LEPROTL1: variants seen among roughly 807,000 people sequenced by gnomAD.
LEPROTL1 encodes leptin receptor overlapping transcript-like 1.
LEPROTL1 carries 6 observed loss-of-function variants against 15.4 expected under a neutral mutation model. The observed-to-expected ratio is 0.39, with a 90% CI of 0.21 to 0.77. LEPROTL1 has a LOEUF of 0.77. Ranked by LOEUF, LEPROTL1 falls within the 30% of genes least tolerant of loss-of-function variation. The pLI, the probability that LEPROTL1 is intolerant of heterozygous loss-of-function variation, is 0.41. For missense variants in LEPROTL1, 128 were observed against 158.1 expected (o/e 0.81, Z 1.02); for synonymous variants, 56 against 52.6 (o/e 1.06, Z -0.28).
At chr8:30,122,924 C>A (rs1802850662) in intron 3 of LEPROTL1, among the ~76,000 whole-genome samples, 1 of 152,190 alleles carries the variant, frequency 6.6e-6, no homozygotes, top group Non-Finnish European at 1.5e-5. Context: ...TTGACTTAAA[C>A]CAATAATCAT....
At chr8:30,121,009 T>G (rs1337285533) in intron 3 of LEPROTL1, among the ~76,000 whole-genome samples, 1 of 152,140 alleles carries the variant, frequency 6.6e-6, no homozygotes, top group Non-Finnish European at 1.5e-5. Context: ...CAGCCACCAT[T>G]CTACTCTGTT....
chr8:30,119,772 A>G (rs1288823965), intron 3 of LEPROTL1, among the ~76,000 whole-genome samples: 1 of 152,140 alleles, frequency 6.6e-6, no homozygotes, highest in South Asian at 2.1e-4. Flanking sequence ...TGATTTTTTT[A>G]TAAAAATGCT....
intron 4 of LEPROTL1, among the ~76,000 whole-genome samples, chr8:30,136,729 A>G (rs1291609518): frequency 1.6e-5 from 2 of 125,380 alleles, no homozygotes; most frequent in African/African-American, 7.5e-5. Context: ...CTCCCCCCGA[A>G]CTTTTTTTTT....
intron 3 of LEPROTL1, among the ~76,000 whole-genome samples, chr8:30,128,206 A>G (rs1046755802): frequency 6.6e-6 from 1 of 152,094 alleles, no homozygotes; most frequent in African/African-American, 2.4e-5. Context: ...ATCACTTTCT[A>G]CTGTCCAGAG....
chr8:30,127,124 A>G (rs1021283732), intron 3 of LEPROTL1, among the ~76,000 whole-genome samples: 5 of 152,182 alleles, frequency 3.3e-5, no homozygotes, highest in African/African-American at 4.8e-5. Context: ...TGCCATTTCA[A>G]TCTATAAATA....
At chr8:30,113,575 C>T (rs1453885684) in intron 3 of LEPROTL1, among the ~76,000 whole-genome samples, 2 of 152,206 alleles carry the variant, frequency 1.3e-5, no homozygotes, top group South Asian at 2.1e-4. Context: ...GCAGCCAAGC[C>T]GGCAGATGAC....
At chr8:30,118,523 C>T (rs915395465) in intron 3 of LEPROTL1, among the ~76,000 whole-genome samples, 1 of 152,066 alleles carries the variant, frequency 6.6e-6, no homozygotes. Context: ...TCTGAGATCT[C>T]CTGAAGGAGT....
exon 4 of LEPROTL1, chr8:30,132,403 C>T: frequency 6.4e-7 from 1 of 1,551,754 alleles, no homozygotes; most frequent in African/African-American, 1.4e-5. Context: ...GGGGACATAT[C>T]CCTCCTCTCC....
chr8:30,106,747 T>C lies in LEPROTL1; in HGVS notation c.*885T>C, dbSNP rs1332657429. The C allele has an allele frequency of 4.1e-6, 4 of 984,952 alleles. No individual in the cohort carries two copies. The highest frequency in any genetic ancestry group is 4.8e-6 in the Non-Finnish European group (4 of 829,212). 61.0% of individuals were successfully genotyped at this position (984,952 alleles called of 1,614,324 possible). A position where few individuals can be genotyped will look rare whatever the true frequency, so the allele number is the denominator to read the frequency against. ...CCTTTCATGTTTTACCCTGTTAAAA[T>C]GGACATACATGGAACCACTACTGAT... On this transcript the variant is annotated 3_prime_UTR_variant, in exon 4 of 4. Transcript: ENST00000321250.
At chr8:30,132,136 C>T (rs1291150536) in intron 3 of LEPROTL1, 1 of 1,551,616 alleles carries the variant, frequency 6.4e-7, no homozygotes, top group African/African-American at 1.4e-5. Flanking sequence ...CCTCATCGGC[C>T]AGGATCTGAT....
intron 1 of LEPROTL1, among the ~76,000 whole-genome samples, chr8:30,098,939 A>G (rs1450900169): frequency 1.3e-5 from 2 of 152,134 alleles, no homozygotes; most frequent in African/African-American, 4.8e-5. Flanking sequence ...CTCAGCATAC[A>G]CGGGTCTCTG....
chr8:30,109,274 G>T (rs985157875), downstream of LEPROTL1, among the ~76,000 whole-genome samples: 16 of 152,236 alleles, frequency 1.1e-4, no homozygotes, highest in African/African-American at 3.6e-4. Context: ...ATTGAAATTC[G>T]TATTTCTTCT....
At chr8:30,122,947 C>A (rs1419821386) in intron 3 of LEPROTL1, among the ~76,000 whole-genome samples, 1 of 152,218 alleles carries the variant, frequency 6.6e-6, no homozygotes, top group East Asian at 1.9e-4. Context: ...GTTCAGCTCA[C>A]AAATCTGTAA....
intron 1 of LEPROTL1, among the ~76,000 whole-genome samples, chr8:30,100,663 C>T (rs1802450692): frequency 6.6e-6 from 1 of 152,210 alleles, no homozygotes; most frequent in Admixed American, 6.5e-5. Flanking sequence ...ACTGACCAGG[C>T]TGGTCTCAAA....
intron 3 of LEPROTL1, among the ~76,000 whole-genome samples, chr8:30,115,539 ATTTTTTTTTTTTTTT>A (rs71206228): frequency 1.3e-5 from 1 of 74,356 alleles, no homozygotes; most frequent in Non-Finnish European, 2.4e-5. Context: ...TGCCTGGCTA[ATTTTTTTTTTTTTTT>A]TTTTTTTTTT....
chr8:30,115,363 A>C (rs1339987989), intron 3 of LEPROTL1, among the ~76,000 whole-genome samples: 1 of 151,828 alleles, frequency 6.6e-6, no homozygotes, highest in African/African-American at 2.4e-5. Flanking sequence ...TCTTAAAAAA[A>C]AAAATCTATA....
rs188789963 is a variant in LEPROTL1 at position 30,106,230 on chromosome 8, G to A, written c.*368G>A. The A allele has an allele frequency of 7.1e-4, 699 of 985,818 alleles. 1 individual carries two copies. Among genetic ancestry groups the A allele is most frequent in the Middle Eastern group, 4.7e-3 (9 of 1,914 alleles). The allele number at this position is 985,818 out of a possible 1,614,324, so 61.1% of individuals were successfully genotyped here. On this transcript the variant is annotated 3_prime_UTR_variant, in exon 4 of 4. Coordinates refer to ENST00000321250, the MANE Select transcript of LEPROTL1 (RefSeq NM_015344.3). ...GCATTGGTTAGGAATTCAGAATTCC[G>A]CCGGCTCTATTACTGGTCAAGTACA... is the stretch of plus-strand genomic sequence containing the variant.
At position 30,101,832 on chromosome 8, in the gene LEPROTL1, A is replaced by G. The variant is rs2117480041; in HGVS notation, c.17-66A>G. 9.4e-6 allele frequency: 9 copies of G among 959,032 alleles called. No homozygotes were observed. In the Admixed American group the frequency reaches 1.7e-4, roughly 18 times the overall value. 59.4% of individuals were successfully genotyped at this position (959,032 alleles called of 1,614,324 possible). On this transcript the variant is annotated intron_variant, in intron 1 of 3. Coordinates refer to ENST00000321250, the MANE Select transcript of LEPROTL1 (RefSeq NM_015344.3). ...TTCTGAGGTTACAGATAATGTTCAGACTGCTGATATTAATAAAAATAATAT... is the reference window on the plus strand; with the variant it reads ...TTCTGAGGTTACAGATAATGTTCAGGCTGCTGATATTAATAAAAATAATAT...
At chr8:30,127,248 G>A (rs930353090) in intron 3 of LEPROTL1, among the ~76,000 whole-genome samples, 1 of 152,156 alleles carries the variant, frequency 6.6e-6, no homozygotes, top group Non-Finnish European at 1.5e-5. Flanking sequence ...TCATGGCTTA[G>A]CTTACCCTCC....
Sources: allele counts gnomAD v4.1 joint callset (sites outside exome capture counted in the v4.1 genomes callset), GRCh38; gene constraint gnomAD v4.1.1; transcripts MANE v1.5; gene names NCBI Gene and HGNC (gene_info 2026-07-23, HGNC 2026-07-21).